Variants in NCKAP5 observed in about 807,000 individuals in gnomAD.
NCKAP5 encodes NCK associated protein 5, also known as nck-associated protein 5.
A neutral mutation model predicts 167.0 loss-of-function variants in NCKAP5; 92 were observed. That is an observed-to-expected ratio of 0.55 (90% confidence interval 0.47 to 0.66). The LOEUF is 0.66. Ranked by LOEUF, NCKAP5 falls within the 30% of genes least tolerant of loss-of-function variation. The pLI, the probability that NCKAP5 is intolerant of heterozygous loss-of-function variation, is 0.00. For missense variants in NCKAP5, 2,378 were observed against 2,315.0 expected (o/e 1.03, Z -0.56); for synonymous variants, 891 against 877.4 (o/e 1.02, Z -0.27).
At chr2:133,037,576 G>T (rs151261916) in intron 6 of NCKAP5, among the ~76,000 whole-genome samples, 1 of 152,144 alleles carries the variant, frequency 6.6e-6, no homozygotes, top group Non-Finnish European at 1.5e-5. Context: ...AAATGGTACC[G>T]GTGAAACTGG....
intron 6 of NCKAP5, among the ~76,000 whole-genome samples, chr2:133,074,550 A>T (rs977199485): frequency 6.6e-5 from 10 of 152,134 alleles, no homozygotes; most frequent in Admixed American, 6.5e-4. Flanking sequence ...TTTGTAGAGA[A>T]GGGATTTCAC....
At chr2:132,873,990 C>T (rs977436184) in intron 9 of NCKAP5, among the ~76,000 whole-genome samples, 13 of 151,650 alleles carry the variant, frequency 8.6e-5, no homozygotes, top group African/African-American at 2.4e-4. Flanking sequence ...GCCTCCAGGG[C>T]GATAGAATCT....
chr2:133,233,722 CTG>C (rs1559298567), intron 4 of NCKAP5, among the ~76,000 whole-genome samples: 1 of 152,182 alleles, frequency 6.6e-6, no homozygotes, highest in Non-Finnish European at 1.5e-5. Flanking sequence ...TAAGCCATCA[CTG>C]TGTAGCTGCT....
chr2:133,644,914 A>G, the NCKAP5 span, among the ~76,000 whole-genome samples: 2 of 152,226 alleles, frequency 1.3e-5, no homozygotes, highest in Non-Finnish European at 2.9e-5. Context: ...AAAAGAATAA[A>G]TTATTTCAAA....
the NCKAP5 span, among the ~76,000 whole-genome samples, chr2:133,616,155 T>G: frequency 6.6e-6 from 1 of 151,406 alleles, no homozygotes; most frequent in Non-Finnish European, 1.5e-5. Context: ...CAAAGCAGTG[T>G]GTAGAGGGAA....
intron 6 of NCKAP5, among the ~76,000 whole-genome samples, chr2:133,111,566 G>A (rs1213352474): frequency 6.6e-6 from 1 of 152,168 alleles, no homozygotes; most frequent in African/African-American, 2.4e-5. Flanking sequence ...AATGTGCACA[G>A]GTAGAACCTC....
intron 16 of NCKAP5, among the ~76,000 whole-genome samples, chr2:132,743,224 G>T (rs1288531306): frequency 1.3e-5 from 2 of 151,814 alleles, no homozygotes; most frequent in Non-Finnish European, 3.0e-5. Context: ...AACATAGATG[G>T]AATACAAACA....
the NCKAP5 span, among the ~76,000 whole-genome samples, chr2:133,584,941 A>AGAAGGAAGGAGGGAAG: frequency 8.8e-6 from 1 of 113,812 alleles, no homozygotes; most frequent in Non-Finnish European, 1.8e-5. Flanking sequence ...AAAAAAAGAA[A>AGAAGGAAGGAGGGAAG]GAAGGAAGGA....
intron 10 of NCKAP5, among the ~76,000 whole-genome samples, chr2:132,867,343 T>C (rs1188557980): frequency 6.6e-6 from 1 of 152,114 alleles, no homozygotes; most frequent in Non-Finnish European, 1.5e-5. Flanking sequence ...ATTAAAGCCT[T>C]AGAAAAAGAA....
chr2:132,805,942 C>G (rs1264238638), intron 11 of NCKAP5, among the ~76,000 whole-genome samples: 1 of 152,100 alleles, frequency 6.6e-6, no homozygotes, highest in African/African-American at 2.4e-5. Flanking sequence ...ACTCTTCCTG[C>G]CAGGTCTTCA....
intron 3 of NCKAP5, among the ~76,000 whole-genome samples, chr2:133,349,192 T>C (rs921475878): frequency 5.3e-5 from 8 of 152,222 alleles, no homozygotes; most frequent in African/African-American, 1.9e-4. Context: ...CTGTAGCATT[T>C]GGCTTAGGGG....
At chr2:133,128,555 T>G (rs2082477732) in intron 6 of NCKAP5, among the ~76,000 whole-genome samples, 1 of 152,012 alleles carries the variant, frequency 6.6e-6, no homozygotes, top group Non-Finnish European at 1.5e-5. Flanking sequence ...AATCTTCCTT[T>G]CAAATTCTTT....
At chr2:133,116,816 T>TTGC (rs2082099908) in intron 6 of NCKAP5, among the ~76,000 whole-genome samples, 1 of 152,214 alleles carries the variant, frequency 6.6e-6, no homozygotes. Flanking sequence ...CTTTCTGGGC[T>TTGC]TTATTTTCTT....
chr2:132,877,983 T>G (rs990626893), intron 9 of NCKAP5, among the ~76,000 whole-genome samples: 1 of 152,110 alleles, frequency 6.6e-6, no homozygotes, highest in African/African-American at 2.4e-5. Context: ...CACAATAAAG[T>G]TTTAAGGTGC....
the NCKAP5 span, among the ~76,000 whole-genome samples, chr2:133,600,280 C>T: frequency 6.6e-6 from 1 of 152,146 alleles, no homozygotes. Context: ...ATTCCATGAC[C>T]ATTTGCCTAA....
intron 8 of NCKAP5, among the ~76,000 whole-genome samples, chr2:132,905,855 C>T (rs1441571150): frequency 6.6e-6 from 1 of 152,092 alleles, no homozygotes; most frequent in Non-Finnish European, 1.5e-5. Context: ...ATAGTATATA[C>T]TATGCCACTT....
At chr2:133,370,047 G>A (rs1685700961) in intron 3 of NCKAP5, among the ~76,000 whole-genome samples, 1 of 152,166 alleles carries the variant, frequency 6.6e-6, no homozygotes, top group African/African-American at 2.4e-5. Flanking sequence ...CACTTAATGT[G>A]TAACTGGTAT....
At chr2:133,465,996 A>G (rs904168625) in intron 3 of NCKAP5, among the ~76,000 whole-genome samples, 14 of 151,934 alleles carry the variant, frequency 9.2e-5, no homozygotes, top group African/African-American at 3.4e-4. Flanking sequence ...TTTGCTGTGC[A>G]GAAGTTCTTT....
intron 8 of NCKAP5, among the ~76,000 whole-genome samples, chr2:132,953,945 C>T (rs755386378): frequency 3.9e-5 from 6 of 152,120 alleles, no homozygotes; most frequent in South Asian, 4.1e-4. Flanking sequence ...GGCCTTTTCA[C>T]GGTGCTGCTG....
Sources: allele counts gnomAD v4.1 joint callset (sites outside exome capture counted in the v4.1 genomes callset), GRCh38; gene constraint gnomAD v4.1.1; transcripts MANE v1.5; gene names NCBI Gene and HGNC (gene_info 2026-07-23, HGNC 2026-07-21).